CCDC88C: variants seen among roughly 807,000 people sequenced by gnomAD.
CCDC88C encodes the protein coiled-coil and HOOK domain protein 88C, also known as protein Daple.
A neutral mutation model predicts 198.8 loss-of-function variants in CCDC88C; 131 were observed. That is an observed-to-expected ratio of 0.66 (90% CI 0.57 to 0.76). The LOEUF (loss-of-function observed/expected upper bound fraction) is 0.76. Ranked by LOEUF, CCDC88C falls within the 30% of genes least tolerant of loss-of-function variation. The pLI is 0.00. For synonymous variants in CCDC88C, 1,166 were observed against 1,114.7 expected, an observed-to-expected ratio of 1.05 and a Z score of -0.92; for missense variants, 2,553 against 2,631.6, an observed-to-expected ratio of 0.97 and a Z score of 0.65.
At chr14:91,354,815 G>A (rs764100902) in intron 4 of CCDC88C, among the ~76,000 whole-genome samples, 161 of 152,312 alleles carry the variant, frequency 1.1e-3, no homozygotes, top group Middle Eastern at 6.8e-3. Flanking sequence ...TGTCATGAGA[G>A]CGTGCACCCT....
intron 1 of CCDC88C, 79 bp from the exon 2 acceptor site, chr14:91,416,917 G>C: frequency 2.0e-6 from 2 of 1,021,760 alleles, no homozygotes; most frequent in East Asian, 2.6e-5. Flanking sequence ...CCCAGGCAGA[G>C]ACTGGACGGG....
At chr14:91,401,302 AATG>A (rs377351324) in intron 3 of CCDC88C, among the ~76,000 whole-genome samples, 2 of 138,112 alleles carry the variant, frequency 1.4e-5, no homozygotes, top group African/African-American at 2.6e-5. Context: ...TATATATTAT[AATG>A]TATATATTTA....
In CCDC88C at chr14:91,293,407, C is replaced by CCCCTCGCCTGCCACAGCTGACCTTCCTGT. The variant is rs1567055200; in HGVS notation, c.4112+765_4112+766insACAGGAAGGTCAGCTGTGGCAGGCGAGGG. Among the ~76,000 whole-genome samples, 7 of 12,160 alleles carry CCCCTCGCCTGCCACAGCTGACCTTCCTGT rather than the reference C, an allele frequency of 5.8e-4. 1 individual carries two copies. The highest frequency in any genetic ancestry group is 1.1e-3 in the African/African-American group (2 of 1,858). The allele number at this position is 12,160 out of a possible 152,430, so 8.0% of individuals were successfully genotyped here. A position where few individuals can be genotyped will look rare whatever the true frequency, so the allele number is the denominator to read the frequency against. ...TCGCCTGCCACAGCCCACCTTCCTGCCCCCTCACCTGCCACGGCCCACCTT... is the reference window on the plus strand; with the variant it reads ...TCGCCTGCCACAGCCCACCTTCCTGCCCCTCGCCTGCCACAGCTGACCTTCCTGTCCCCTCACCTGCCACGGCCCACCTT... On this transcript the variant is annotated intron_variant, in intron 23 of 29. Transcript: ENST00000389857.
intron 3 of CCDC88C, among the ~76,000 whole-genome samples, chr14:91,366,151 AATACAC>A (rs1894526636): frequency 9.9e-6 from 1 of 101,416 alleles, no homozygotes; most frequent in African/African-American, 3.5e-5. Flanking sequence ...CTACTTAAAA[AATACAC>A]ACACACACAC....
intron 29 of CCDC88C, 70 bp downstream of exon 29, chr14:91,277,852 C>A: frequency 7.0e-7 from 1 of 1,436,504 alleles, no homozygotes; most frequent in South Asian, 1.5e-5. Flanking sequence ...CTTTCTGCAG[C>A]TATGATCTTG....
At position 91,313,247 on chromosome 14, in the gene CCDC88C, C is replaced by T. The variant is rs760305711; in HGVS notation, c.2569G>A (p.Asp857Asn). 5.6e-6 allele frequency: 9 copies of T among 1,613,896 alleles called. No individual in the cohort carries two copies. Among genetic ancestry groups the T allele is most frequent in the African/African-American group, 4.0e-5 (3 of 74,934 alleles). The change falls in exon 15 of 30, where the codon GAT becomes AAT. Residue 857 changes from aspartate (D) to asparagine (N), a missense_variant. Asp to Asn is a conservative substitution (Grantham distance 23, BLOSUM62 1). Around this residue, in one of 2 missense-constraint regions of CCDC88C, gnomAD observed 1,260 missense variants for 1,412.0 expected, o/e 0.89. Transcript: ENST00000389857. The surrounding 1 kb of genome is among the most constrained non-coding windows in gnomAD (Gnocchi z 5.2). ...QVELKDAVLD[D>N]STAKLSAVEK... ...ACGGCGGACAGTTTGGCAGTGCTAT[C>T]GTCCAAGACTGCATCCTTGAGCTCC...
intron 3 of CCDC88C, among the ~76,000 whole-genome samples, chr14:91,386,171 C>A (rs1038615197): frequency 7.3e-5 from 11 of 150,696 alleles, no homozygotes; most frequent in Admixed American, 7.3e-4. Flanking sequence ...AGGCCGGGCG[C>A]GGTGGCTCAC....
Position 91,287,508 on chromosome 14 carries a change from T to A in CCDC88C, c.4441+1597A>T, listed in dbSNP as rs1350796280. Among the ~76,000 whole-genome samples, 5 of 152,012 alleles carry A rather than the reference T, an allele frequency of 3.3e-5. 1 individual carries two copies. The highest frequency in any genetic ancestry group is 1.3e-4 in the Admixed American group (2 of 15,248). The stretch of plus-strand genomic sequence containing the variant: ...GCCACCACACCTGGCTAAATAAAAA[T>A]ATATATATTGGTAGATGGGGGTTTC... On this transcript the variant is annotated intron_variant, in intron 25 of 29. Coordinates refer to ENST00000389857, the MANE Select transcript of CCDC88C (RefSeq NM_001080414.4).
intron 6 of CCDC88C, among the ~76,000 whole-genome samples, chr14:91,341,833 C>T (rs74084751): frequency 4.3e-4 from 66 of 152,370 alleles, no homozygotes; most frequent in Middle Eastern, 3.4e-3. Flanking sequence ...TCCGCTGACG[C>T]TCAGTGCAGA....
At position 91,409,362 on chromosome 14, in the gene CCDC88C, T is replaced by C. The variant is rs557373161; in HGVS notation, c.162-595A>G. Among the ~76,000 whole-genome samples, 25 of 152,040 alleles carry C rather than the reference T, an allele frequency of 1.6e-4. No individual in the cohort carries two copies. The East Asian group carries it at 4.4e-3, about 27-fold the overall frequency. ...GCTAATTTTTTTTTAATTTTTTTTA[T>C]AGAGACAGGGTCTCACTATGTTGCC... On this transcript the variant is annotated intron_variant, in intron 2 of 29. Coordinates refer to ENST00000389857, the MANE Select transcript of CCDC88C (RefSeq NM_001080414.4).
At chr14:91,402,244 T>A (rs541931797) in intron 3 of CCDC88C, among the ~76,000 whole-genome samples, 1 of 152,082 alleles carries the variant, frequency 6.6e-6, no homozygotes. Context: ...CCACTGCACT[T>A]TGGCCTGGGA....
intron 15 of CCDC88C, among the ~76,000 whole-genome samples, chr14:91,310,881 C>T (rs1220797060): frequency 2.0e-5 from 3 of 152,186 alleles, no homozygotes; most frequent in South Asian, 2.1e-4. Flanking sequence ...CAGACCTGAA[C>T]GGCACTGTGA....
chr14:91,357,020 C>T (rs139562738), intron 4 of CCDC88C, among the ~76,000 whole-genome samples: 139 of 152,304 alleles, frequency 9.1e-4, no homozygotes, highest in Non-Finnish European at 1.5e-3. Context: ...TCAAAAAAGA[C>T]TGGATATTGG....
At chr14:91,378,231 G>A (rs762912173) in intron 3 of CCDC88C, among the ~76,000 whole-genome samples, 30 of 152,192 alleles carry the variant, frequency 2.0e-4, no homozygotes, top group Non-Finnish European at 4.0e-4. Flanking sequence ...ACAGCCAGCA[G>A]GCATCCTGAA....
At chr14:91,374,413 T>C (rs1188004426) in intron 3 of CCDC88C, among the ~76,000 whole-genome samples, 1 of 152,212 alleles carries the variant, frequency 6.6e-6, no homozygotes, top group African/African-American at 2.4e-5. Context: ...AAGAGGTAAA[T>C]ATATGTCACA....
intron 16 of CCDC88C, among the ~76,000 whole-genome samples, chr14:91,309,512 G>C (rs955552301): frequency 1.3e-5 from 2 of 151,730 alleles, no homozygotes; most frequent in African/African-American, 4.8e-5. Flanking sequence ...TCTCCAGCTA[G>C]GGCTGGAGGA....
chr14:91,416,935 G>T, intron 1 of CCDC88C, 97 bp from the exon 2 acceptor site: 1 of 821,288 alleles, frequency 1.2e-6, no homozygotes, highest in Non-Finnish European at 2.0e-6. Flanking sequence ...GGGTCAGTGT[G>T]AGCAGAAGGG....
intron 12 of CCDC88C, among the ~76,000 whole-genome samples, chr14:91,321,673 T>C (rs897979070): frequency 6.6e-6 from 1 of 152,166 alleles, no homozygotes; most frequent in Middle Eastern, 3.2e-3. Flanking sequence ...ACATTTTCCA[T>C]ACCCCCCAGA....
At chr14:91,275,696 G>A (rs1889929435) in intron 29 of CCDC88C, among the ~76,000 whole-genome samples, 1 of 150,768 alleles carries the variant, frequency 6.6e-6, no homozygotes, top group East Asian at 1.9e-4. Flanking sequence ...TAGTAGAGAT[G>A]GGGTTTCACT....
Sources: gnomAD v4.1 joint callset for allele counts (sites outside exome capture counted in the v4.1 genomes callset) on GRCh38, gnomAD v4.1.1 for gene constraint, gnomAD v4.1.1 regional missense constraint, Gnocchi (gnomAD v3.1) non-coding constraint, MANE v1.5 for transcripts, NCBI Gene and HGNC (gene_info 2026-07-23, HGNC 2026-07-21) for gene names.